SHC2: variants seen among roughly 807,000 people sequenced by gnomAD.
SHC2 encodes the protein SHC adaptor protein 2.
SHC2 carries 62 observed loss-of-function variants against 60.6 expected under a neutral mutation model. The ratio of observed to expected loss-of-function variants is 1.02; its 90% CI spans 0.83 to 1.26. The LOEUF (loss-of-function observed/expected upper bound fraction) is 1.26. SHC2 is among the 50% of genes most tolerant of loss of function. The pLI is 0.00. For missense variants in SHC2, 873 were observed against 822.2 expected, an observed-to-expected ratio of 1.06 and a Z score of -0.76; for synonymous variants, 375 against 372.4, an observed-to-expected ratio of 1.01 and a Z score of -0.08.
intron 1 of SHC2, among the ~76,000 whole-genome samples, chr19:456,202 G>T (rs1361435813): frequency 6.6e-6 from 1 of 152,176 alleles, no homozygotes; most frequent in African/African-American, 2.4e-5. Context: ...CGGGTGATGG[G>T]GCTTGGCTAT....
chr19:451,844 G>A (rs940814895), intron 1 of SHC2, among the ~76,000 whole-genome samples: 3 of 152,172 alleles, frequency 2.0e-5, no homozygotes, highest in Non-Finnish European at 4.4e-5. Context: ...TGATCAGCCC[G>A]CCTCTGCCTC....
chr19:421,872 T>C (rs1974279455), intron 11 of SHC2, among the ~76,000 whole-genome samples: 1 of 152,228 alleles, frequency 6.6e-6, no homozygotes. Context: ...ACTGTGCCAC[T>C]GCAGTCCAGC....
intron 12 of SHC2, among the ~76,000 whole-genome samples, chr19:418,473 G>T (rs574412323): frequency 6.6e-6 from 1 of 152,230 alleles, no homozygotes; most frequent in African/African-American, 2.4e-5. Context: ...GTCCATCAGC[G>T]GATGAACACA....
intron 1 of SHC2, among the ~76,000 whole-genome samples, chr19:457,221 CA>C (rs1975367587): frequency 7.3e-6 from 1 of 136,448 alleles, no homozygotes; most frequent in African/African-American, 2.9e-5. Context: ...CCCACCACAT[CA>C]GGCCTTTGCA....
intron 1 of SHC2, among the ~76,000 whole-genome samples, chr19:450,354 A>G (rs1351896047): frequency 6.6e-6 from 1 of 152,246 alleles, no homozygotes; most frequent in African/African-American, 2.4e-5. Flanking sequence ...TAAAACACAC[A>G]TAACATAAAA....
rs752922895 is a variant in SHC2, at chr19:438,999, G to A, written c.571C>T (p.Pro191Ser). Reference protein sequence around the residue: ...EAINRLHEAVPGVRGSWKKKA... With the variant: ...EAINRLHEAVSGVRGSWKKKA... The stretch of plus-strand genomic sequence containing the variant: ...TTCTTCCAGGATCCCCGGACGCCAG[G>A]CACGGCCTCATGGAGCCGGTTGATG... Residue 191 changes from proline (P) to serine (S), a missense_variant, in exon 3 of 13, where the codon CCT becomes TCT. Physicochemically the swap from Pro to Ser is moderately conservative, Grantham distance 74. Coordinates refer to ENST00000264554, the MANE Select transcript of SHC2 (RefSeq NM_012435.3). This position sits in a 1 kb window ranked among gnomAD's most constrained non-coding sequence, Gnocchi z 5.0. The A allele has an allele frequency of 6.2e-7, 1 of 1,600,542 alleles. No homozygotes were observed. Among genetic ancestry groups the A allele is most frequent in the South Asian group, 1.1e-5 (1 of 88,854 alleles).
At position 422,478 on chromosome 19, in the gene SHC2, G is replaced by A; in HGVS notation, c.1310-22C>T. On this transcript the variant is annotated intron_variant, in intron 10 of 12. Coordinates refer to ENST00000264554, the MANE Select transcript of SHC2 (RefSeq NM_012435.3). This position sits in a 1 kb window ranked among gnomAD's most constrained non-coding sequence, Gnocchi z 5.0. Reference sequence around the variant, plus strand: ...GGTCCTGCAGGCCAGGGACAGGAGTGCTGGGCAGGCAGGGGGCAAGCAGCT... The same window carrying A: ...GGTCCTGCAGGCCAGGGACAGGAGTACTGGGCAGGCAGGGGGCAAGCAGCT... 1 of 1,489,056 alleles carries A rather than the reference G, an allele frequency of 6.7e-7. No individual in the cohort carries two copies. The highest frequency in any genetic ancestry group is 2.3e-5 in the Admixed American group (1 of 43,560). 92.2% of individuals were successfully genotyped at this position (1,489,056 alleles called of 1,614,324 possible). A position where few individuals can be genotyped will look rare whatever the true frequency, so the allele number is the denominator to read the frequency against.
intron 4 of SHC2, among the ~76,000 whole-genome samples, chr19:437,617 C>T (rs905795752): frequency 6.6e-6 from 1 of 152,096 alleles, no homozygotes; most frequent in Non-Finnish European, 1.5e-5. Flanking sequence ...GGGTCCATGC[C>T]TCGCAGGGTG....
chr19:458,539 G>A (rs1340643860), intron 1 of SHC2, among the ~76,000 whole-genome samples: 1 of 137,440 alleles, frequency 7.3e-6, no homozygotes, highest in Non-Finnish European at 1.6e-5. Context: ...AGGCGGATTC[G>A]GGTTCCGGGG....
chr19:437,202 G>T (rs576454736), intron 4 of SHC2, among the ~76,000 whole-genome samples: 1 of 152,236 alleles, frequency 6.6e-6, no homozygotes, highest in South Asian at 2.1e-4. Context: ...TCATCTACTT[G>T]CTCGTTTGCG....
In SHC2 at chr19:446,279, T is replaced by G. The variant is rs1743495759; in HGVS notation, c.469-5347A>C. On this transcript the variant is annotated intron_variant, in intron 1 of 12. Coordinates refer to ENST00000264554, the MANE Select transcript of SHC2 (RefSeq NM_012435.3). The surrounding 1 kb of genome is among the most constrained non-coding windows in gnomAD (Gnocchi z 5.4). ...GAACTGTGACAGAACAAGTCTATGTTTGTGTGTGTGTGTGTTTTGTTTTGT... is the reference window on the plus strand; with the variant it reads ...GAACTGTGACAGAACAAGTCTATGTGTGTGTGTGTGTGTGTTTTGTTTTGT... Among the ~76,000 whole-genome samples the G allele has an allele frequency of 6.6e-6, 1 of 151,690 alleles. No homozygotes were observed. Among genetic ancestry groups the G allele is most frequent in the Non-Finnish European group, 1.5e-5 (1 of 67,882 alleles).
intron 1 of SHC2, 145 bp downstream of exon 1, chr19:460,384 C>G (rs1246942929): frequency 2.4e-5 from 8 of 335,478 alleles, no homozygotes. Flanking sequence ...CGGCCGCCGG[C>G]CGGGGATGGG....
In SHC2 at chr19:425,853, A is replaced by AC. The variant is rs1340416758; in HGVS notation, c.1175-623dup. Reference sequence around the variant, plus strand: ...AGACCAGCCTGGCCAACATGGTGAAACCCCGTCTCTACTAAAAATGCAAAA... The same window carrying AC: ...AGACCAGCCTGGCCAACATGGTGAAACCCCCGTCTCTACTAAAAATGCAAAA... On this transcript the variant is annotated intron_variant, in intron 9 of 12. Transcript: ENST00000264554. The surrounding 1 kb of genome is among the most constrained non-coding windows in gnomAD (Gnocchi z 4.1). 6.6e-6 allele frequency among the ~76,000 whole-genome samples: 1 copy of AC among 151,466 alleles called. No individual in the cohort carries two copies. The highest frequency in any genetic ancestry group is 2.4e-5 in the African/African-American group (1 of 41,170).
Position 460,799 on chromosome 19 carries a change from C to A in SHC2, c.198G>T (p.Pro66=). The change falls in exon 1 of 13, where the codon CCG becomes CCT. Residue 66 remains proline, a synonymous_variant. Coordinates refer to ENST00000264554, the MANE Select transcript of SHC2 (RefSeq NM_012435.3). The part of the protein sequence containing the change: ...ASGGADPQPE[P]AGPGGVPALA... ...GCGCCGGGACGCCCCCCGGGCCCGC[C>A]GGCTCGGGTTGGGGGTCCGCGCCCC... 2.0e-6 allele frequency: 2 copies of A among 978,930 alleles called. No individual in the cohort carries two copies. Among genetic ancestry groups the A allele is most frequent in the South Asian group, 9.2e-5 (2 of 21,818 alleles). The allele number at this position is 978,930 out of a possible 1,614,324, so 60.6% of individuals were successfully genotyped here.
chr19:450,013 AC>A (rs1031191400), intron 1 of SHC2, among the ~76,000 whole-genome samples: 3 of 152,016 alleles, frequency 2.0e-5, no homozygotes, highest in African/African-American at 7.2e-5. Flanking sequence ...GCCGCCCTCC[AC>A]CCCTGGCCAG....
At chr19:451,391 T>A (rs1975192847) in intron 1 of SHC2, among the ~76,000 whole-genome samples, 1 of 152,234 alleles carries the variant, frequency 6.6e-6, no homozygotes. Flanking sequence ...CCACGTCGTA[T>A]TTCAGCATGT....
At chr19:439,439 C>T (rs1974805140) in intron 2 of SHC2, 1 of 239,494 alleles carries the variant, frequency 4.2e-6, no homozygotes, top group South Asian at 6.3e-5. Flanking sequence ...GGCCCTGAGC[C>T]TGACGCGGGG....
At chr19:449,367 GA>G (rs199713918) in intron 1 of SHC2, among the ~76,000 whole-genome samples, 3 of 148,616 alleles carry the variant, frequency 2.0e-5, no homozygotes, top group East Asian at 2.0e-4. Context: ...CTCAAAAAAA[GA>G]AAAAAAAAGG....
intron 11 of SHC2, 121 bp from the exon 12 acceptor site, chr19:419,177 G>A (rs1974216579): frequency 2.6e-6 from 3 of 1,154,808 alleles, no homozygotes; most frequent in African/African-American, 1.6e-5. Flanking sequence ...CGAGGGGCCG[G>A]ACCAGGGAAT....
Sources: allele counts gnomAD v4.1 joint callset (sites outside exome capture counted in the v4.1 genomes callset), GRCh38; gene constraint gnomAD v4.1.1; non-coding constraint Gnocchi (gnomAD v3.1); transcripts MANE v1.5; gene names NCBI Gene and HGNC (gene_info 2026-07-23, HGNC 2026-07-21).